The following PTPRD variants were observed in gnomAD, a reference collection of about 807,000 sequenced individuals.
PTPRD encodes the protein protein tyrosine phosphatase receptor type D.
PTPRD carries 34 observed loss-of-function variants against 214.5 expected under a neutral mutation model. That is an observed-to-expected ratio of 0.16 (90% CI 0.12 to 0.21). The LOEUF (loss-of-function observed/expected upper bound fraction) is 0.21, where lower values mean the gene tolerates loss of function less well. Ranked by LOEUF, PTPRD falls within the 10% of genes least tolerant of loss-of-function variation. PTPRD has a pLI of 1.00. For synonymous variants in PTPRD, 1,128 were observed against 845.7 expected, an observed-to-expected ratio of 1.33 and a Z score of -5.79; for missense variants, 2,545 against 2,398.7, an observed-to-expected ratio of 1.06 and a Z score of -1.27.
intron 8 of PTPRD, among the ~76,000 whole-genome samples, chr9:9,530,040 C>A (rs1358312550): frequency 6.6e-6 from 1 of 151,952 alleles, no homozygotes; most frequent in South Asian, 2.1e-4. Context: ...GCAGTAAGTA[C>A]CTACATCAAA....
chr9:9,742,602 G>A (rs548357665), intron 6 of PTPRD, among the ~76,000 whole-genome samples: 6 of 151,850 alleles, frequency 4.0e-5, no homozygotes, highest in Non-Finnish European at 8.8e-5. Context: ...AAACTTTGAG[G>A]TCATCAGAGA....
intron 7 of PTPRD, among the ~76,000 whole-genome samples, chr9:9,654,873 G>T (rs1391278940): frequency 2.0e-5 from 3 of 151,992 alleles, no homozygotes; most frequent in Admixed American, 1.3e-4. Context: ...GATAAAATTG[G>T]TCATAGCAAT....
intron 5 of PTPRD, among the ~76,000 whole-genome samples, chr9:9,847,489 AC>A (rs747169019): frequency 2.0e-5 from 3 of 152,098 alleles, no homozygotes; most frequent in Non-Finnish European, 2.9e-5. Context: ...ATTTGCACTA[AC>A]TTTTGAAAAT....
chr9:10,563,191 G>T (rs2064529118), intron 2 of PTPRD, among the ~76,000 whole-genome samples: 1 of 152,060 alleles, frequency 6.6e-6, no homozygotes, highest in Non-Finnish European at 1.5e-5. Flanking sequence ...GTTTTCCTGG[G>T]TTTGGTCACA....
chr9:10,160,121 G>C (rs2099118628), intron 3 of PTPRD, among the ~76,000 whole-genome samples: 2 of 152,000 alleles, frequency 1.3e-5, no homozygotes, highest in African/African-American at 4.8e-5. Flanking sequence ...GGCACATGTA[G>C]ACTGAAAATG....
At chr9:8,686,706 T>A (rs887696373) in intron 12 of PTPRD, among the ~76,000 whole-genome samples, 6 of 152,038 alleles carry the variant, frequency 3.9e-5, no homozygotes, top group African/African-American at 1.5e-4. Flanking sequence ...ACCATCCAAG[T>A]AGAAGGTTAC....
intron 8 of PTPRD, among the ~76,000 whole-genome samples, chr9:9,410,238 T>C (rs964027881): frequency 3.3e-5 from 5 of 152,192 alleles, no homozygotes; most frequent in African/African-American, 1.2e-4. Flanking sequence ...CAGTAATGGG[T>C]GCTTGAAATT....
At chr9:9,497,816 G>A (rs1316407847) in intron 8 of PTPRD, among the ~76,000 whole-genome samples, 1 of 152,066 alleles carries the variant, frequency 6.6e-6, no homozygotes, top group African/African-American at 2.4e-5. Context: ...AAGTAGCACT[G>A]TTATGGAATG....
chr9:9,916,156 A>G (rs1236580936), intron 5 of PTPRD, among the ~76,000 whole-genome samples: 1 of 152,026 alleles, frequency 6.6e-6, no homozygotes, highest in African/African-American at 2.4e-5. Context: ...TGGAGGACGA[A>G]TGAAATGTTT....
At chr9:10,509,923 T>C (rs1350969292) in intron 2 of PTPRD, among the ~76,000 whole-genome samples, 4 of 152,164 alleles carry the variant, frequency 2.6e-5, no homozygotes, top group South Asian at 2.1e-4. Context: ...GTACCTCCAA[T>C]GCCAATGAGC....
chr9:10,530,696 T>C (rs1463764210), intron 2 of PTPRD, among the ~76,000 whole-genome samples: 2 of 152,076 alleles, frequency 1.3e-5, no homozygotes, highest in African/African-American at 4.8e-5. Flanking sequence ...AAAAGAACTC[T>C]CACAGGCTTA....
At chr9:9,863,833 AC>A (rs1318671944) in intron 5 of PTPRD, among the ~76,000 whole-genome samples, 6 of 144,196 alleles carry the variant, frequency 4.2e-5, no homozygotes, top group African/African-American at 1.7e-4. Flanking sequence ...TACATGCAGG[AC>A]GGAAAAAAAA....
intron 39 of PTPRD, among the ~76,000 whole-genome samples, chr9:8,367,409 A>C (rs1053098340): frequency 2.0e-5 from 3 of 152,040 alleles, no homozygotes; most frequent in African/African-American, 7.2e-5. Context: ...GGGGGAAGGG[A>C]GGTGAGGGTG....
At chr9:9,941,754 G>C (rs4552967) in intron 4 of PTPRD, among the ~76,000 whole-genome samples, 60,869 of 151,972 alleles carry the variant, frequency 0.4, 12,749 homozygotes, top group East Asian at 0.72. Context: ...CTCTGAAGAA[G>C]AGGTCCCAAA....
chr9:8,746,988 G>C (rs1401345484), intron 11 of PTPRD, among the ~76,000 whole-genome samples: 1 of 152,190 alleles, frequency 6.6e-6, no homozygotes, highest in Non-Finnish European at 1.5e-5. Flanking sequence ...GATGTGCAAG[G>C]ATGGGTGGAA....
chr9:9,258,135 G>T (rs915218176), intron 9 of PTPRD, among the ~76,000 whole-genome samples: 6 of 150,404 alleles, frequency 4.0e-5, no homozygotes, highest in Non-Finnish European at 7.4e-5. Context: ...ACTGCATCAG[G>T]CTTCTAGATA....
intron 2 of PTPRD, among the ~76,000 whole-genome samples, chr9:10,424,938 T>C (rs1207888492): frequency 5.3e-5 from 8 of 152,002 alleles, no homozygotes; most frequent in Non-Finnish European, 1.2e-4. Flanking sequence ...TAGTAGGAAT[T>C]CATGTGTTAT....
Position 10,128,252 on chromosome 9 carries a change from T to A in PTPRD, c.-544-94462A>T, listed in dbSNP as rs536446561. On this transcript the variant is annotated intron_variant, in intron 3 of 45. Transcript: ENST00000381196. The stretch of plus-strand genomic sequence containing the variant: ...ATGTTGAAGCCTAACACACAATGGC[T>A]TAGAATGTGACATAATTTGGAAATA... Among the ~76,000 whole-genome samples the A allele has an allele frequency of 8.5e-5, 13 of 152,212 alleles. No individual in the cohort carries two copies. In the South Asian group the frequency reaches 2.1e-3, roughly 24 times the overall value.
intron 44 of PTPRD, among the ~76,000 whole-genome samples, chr9:8,323,813 T>A (rs927368546): frequency 6.6e-6 from 1 of 152,150 alleles, no homozygotes; most frequent in Non-Finnish European, 1.5e-5. Flanking sequence ...ACAAAGTTAA[T>A]AGAAAAGCAG....
Sources: allele counts gnomAD v4.1 joint callset (sites outside exome capture counted in the v4.1 genomes callset), GRCh38; gene constraint gnomAD v4.1.1; transcripts MANE v1.5; gene names NCBI Gene and HGNC (gene_info 2026-07-23, HGNC 2026-07-21).